Variants in CFAP74 observed in about 807,000 individuals in gnomAD.
CFAP74 encodes cilia and flagella associated protein 74, also known as cilia- and flagella-associated protein 74.
In CFAP74, 124 loss-of-function variants were observed where a neutral mutation model predicts 188.9. The observed-to-expected ratio is 0.66, with a 90% CI of 0.57 to 0.76. The LOEUF is 0.76. CFAP74 is among the 30% of genes least tolerant of loss of function. CFAP74 has a pLI of 0.00. For missense variants in CFAP74, 2,198 were observed against 2,165.2 expected (o/e 1.02, Z -0.30); for synonymous variants, 956 against 916.7 (o/e 1.04, Z -0.77).
At chr1:1,933,640 C>T (rs59878453) in intron 25 of CFAP74, among the ~76,000 whole-genome samples, 21,326 of 152,134 alleles carry the variant, frequency 0.14, 2,715 homozygotes, top group African/African-American at 0.33. Context: ...TGTTCCCTTT[C>T]GCTCCTGATA....
chr1:2,002,112 T>C (rs1658236559), intron 1 of CFAP74, among the ~76,000 whole-genome samples: 1 of 152,148 alleles, frequency 6.6e-6, no homozygotes, highest in African/African-American at 2.4e-5. Context: ...TGTGGCTGTG[T>C]TGGAGAATGT....
At chr1:2,001,592 C>T (rs1658212811) in intron 1 of CFAP74, among the ~76,000 whole-genome samples, 1 of 152,204 alleles carries the variant, frequency 6.6e-6, no homozygotes, top group African/African-American at 2.4e-5. Flanking sequence ...TCCCAAAGTG[C>T]TGGGATTACA....
At chr1:1,976,213 T>G (rs1204984231) in intron 6 of CFAP74, among the ~76,000 whole-genome samples, 1 of 152,240 alleles carries the variant, frequency 6.6e-6, no homozygotes, top group Non-Finnish European at 1.5e-5. Flanking sequence ...GGATTTGGTT[T>G]GGACGCGTGT....
At chr1:1,952,806 C>G (rs1166155807) in intron 18 of CFAP74, among the ~76,000 whole-genome samples, 2 of 147,484 alleles carry the variant, frequency 1.4e-5, no homozygotes, top group Admixed American at 1.4e-4. Context: ...AGAGGCACAT[C>G]ACCACACCTG....
At chr1:1,948,177 C>T (rs1653910447) in intron 18 of CFAP74, among the ~76,000 whole-genome samples, 1 of 151,962 alleles carries the variant, frequency 6.6e-6, no homozygotes, top group Non-Finnish European at 1.5e-5. Context: ...GGCCAAGGGT[C>T]CCCGGTTCTG....
chr1:1,971,426 CAT>C (rs1167807515), intron 9 of CFAP74, among the ~76,000 whole-genome samples: 11 of 151,984 alleles, frequency 7.2e-5, no homozygotes, highest in African/African-American at 1.5e-4. Context: ...TGCACACACA[CAT>C]GCAAACGTGC....
intron 32 of CFAP74, 35 bp downstream of exon 32, chr1:1,926,193 G>A: frequency 6.8e-7 from 1 of 1,474,590 alleles, no homozygotes; most frequent in Non-Finnish European, 9.0e-7. Context: ...GGGAGCCTTG[G>A]GCCGCAGTGT....
In CFAP74 at chr1:1,982,015, A is replaced by G. The variant is rs6659491; in HGVS notation, c.500+3371T>C. Among the ~76,000 whole-genome samples, 162 of 97,690 alleles carry G rather than the reference A, an allele frequency of 1.7e-3. 2 individuals are homozygous for G. The highest frequency in any genetic ancestry group is 5.3e-3 in the African/African-American group (135 of 25,486). The allele number at this position is 97,690 out of a possible 152,430, so 64.1% of individuals were successfully genotyped here. The stretch of plus-strand genomic sequence containing the variant: ...CACCCAGCCGTGGACAGACACGGGG[A>G]CACGCAGGACACCCAGCCGTGGTCA... On this transcript the variant is annotated intron_variant, in intron 6 of 38. Coordinates refer to ENST00000682832, the MANE Select transcript of CFAP74 (RefSeq NM_001304360.2).
Position 1,923,261 on chromosome 1 carries a change from A to G in CFAP74, c.4522+106T>C, listed in dbSNP as rs1364710217. 9 of 1,491,866 alleles carry G rather than the reference A, an allele frequency of 6.0e-6. No homozygotes were observed. Among genetic ancestry groups the G allele is most frequent in the Non-Finnish European group, 5.4e-6 (6 of 1,111,942 alleles). 92.4% of individuals were successfully genotyped at this position (1,491,866 alleles called of 1,614,324 possible). ...GCTGTCCTGCTTGGCTCTGGGGTAGAAGGCTGGGAATCCCTGCCCTGCTCC... is the reference window on the plus strand; with the variant it reads ...GCTGTCCTGCTTGGCTCTGGGGTAGGAGGCTGGGAATCCCTGCCCTGCTCC... On this transcript the variant is annotated intron_variant, in intron 36 of 38. Transcript: ENST00000682832. The surrounding 1 kb of genome is among the most constrained non-coding windows in gnomAD (Gnocchi z 6.3).
At chr1:1,985,276 T>C (rs1243230700) in intron 6 of CFAP74, 110 bp downstream of exon 6, 7 of 856,400 alleles carry the variant, frequency 8.2e-6, no homozygotes, top group Non-Finnish European at 1.3e-5. Flanking sequence ...CCCCGCAGTT[T>C]GCCGGTCAGG....
chr1:1,964,883 CTCACCTGGAAGTGGA>C lies in CFAP74; in HGVS notation c.1565_1575+4del. ...GTCCCGTTCCTGGCCCAGCTGCGGG[CTCACCTGGAAGTGGA>C]GGAGCTCCGGTTTGCTGTTGAAGGG... On this transcript the variant is annotated splice_donor_variant and splice_donor_region_variant and coding_sequence_variant and intron_variant, in exon 13 of 39. Coordinates refer to ENST00000682832, the MANE Select transcript of CFAP74 (RefSeq NM_001304360.2). LOFTEE classifies it high-confidence loss of function. 6.2e-7 allele frequency: 1 copy of C among 1,613,510 alleles called. No homozygotes were observed. The highest frequency in any genetic ancestry group is 8.5e-7 in the Non-Finnish European group (1 of 1,179,900).
At position 1,987,002 on chromosome 1, in the gene CFAP74, G is replaced by T; in HGVS notation, c.330C>A (p.Asp110Glu). The change falls in exon 5 of 39, where the codon GAC becomes GAA. Residue 110 changes from aspartate to glutamate, a missense_variant. Asp to Glu is a conservative substitution (Grantham distance 45, BLOSUM62 2). Transcript: ENST00000682832. Reference protein sequence around the residue: ...GELRACRQRRDLIDKQQEAVA... With the variant: ...GELRACRQRRELIDKQQEAVA... ...CAGCCTCCTGCTGCTTGTCGATCAG[G>T]TCCCGCCTCTGCCGACAGGCGCGCA... The T allele has an allele frequency of 6.2e-7, 1 of 1,600,726 alleles. No individual in the cohort carries two copies. The highest frequency in any genetic ancestry group is 2.2e-5 in the East Asian group (1 of 44,802).
At position 1,956,769 on chromosome 1, in the gene CFAP74, C is replaced by G; in HGVS notation, c.1867G>C (p.Glu623Gln). 6.2e-7 allele frequency: 1 copy of G among 1,613,042 alleles called. No homozygotes were observed. Among genetic ancestry groups the G allele is most frequent in the Non-Finnish European group, 8.5e-7 (1 of 1,179,514 alleles). ...TKKCSLSLDK[E>Q]LIDFGSYVVG... ...ACGTAGCTGCCGAAGTCAATGAGCT[C>G]CTTGTCGAGGGACAGCTGCCAGAGG... The change falls in exon 17 of 39, where the codon GAG (glutamate) becomes CAG (glutamine). Residue 623 changes from glutamate to glutamine, a missense_variant. Glu to Gln is a conservative substitution (Grantham distance 29). Transcript: ENST00000682832.
chr1:1,944,302 C>T (rs1260490810), intron 21 of CFAP74, 29 bp downstream of exon 21: 12 of 1,530,556 alleles, frequency 7.8e-6, no homozygotes, highest in Non-Finnish European at 9.6e-6. Flanking sequence ...CGTGGGTCAC[C>T]CCGTGTGCAT....
chr1:1,987,252 C>T (rs924536892), intron 4 of CFAP74, among the ~76,000 whole-genome samples: 3 of 152,236 alleles, frequency 2.0e-5, no homozygotes, highest in African/African-American at 7.2e-5. Context: ...GGCCCCCACC[C>T]GAAGGTGACA....
chr1:1,965,711 T>A (rs539872207), intron 12 of CFAP74, among the ~76,000 whole-genome samples: 57 of 152,294 alleles, frequency 3.7e-4, no homozygotes, highest in Non-Finnish European at 6.9e-4. Flanking sequence ...CTCCCTTGGG[T>A]GTCCCCAGTG....
chr1:1,986,898 T>C (rs1323963288), intron 5 of CFAP74, 39 bp downstream of exon 5: 8 of 1,559,238 alleles, frequency 5.1e-6, no homozygotes, highest in African/African-American at 1.3e-5. Flanking sequence ...GGCCCTGACC[T>C]CATGCCCGGT....
At chr1:1,926,849 C>T (rs533067649) in intron 29 of CFAP74, 45 bp downstream of exon 29, 24 of 1,549,176 alleles carry the variant, frequency 1.5e-5, no homozygotes, top group Admixed American at 3.9e-5. Context: ...AGGGACAGCG[C>T]GTTTGCGGCT....
chr1:1,969,460 G>T (rs1233654247), intron 10 of CFAP74, among the ~76,000 whole-genome samples: 1 of 124,894 alleles, frequency 8.0e-6, no homozygotes, highest in Non-Finnish European at 1.7e-5. Flanking sequence ...GCCCAGCCCT[G>T]CCCAGCCCAG....
Sources: allele counts gnomAD v4.1 joint callset (sites outside exome capture counted in the v4.1 genomes callset), GRCh38; gene constraint gnomAD v4.1.1; non-coding constraint Gnocchi (gnomAD v3.1); transcripts MANE v1.5; gene names NCBI Gene and HGNC (gene_info 2026-07-23, HGNC 2026-07-21).